Variants in CFAP61 observed in about 807,000 individuals in gnomAD.
The protein encoded by CFAP61 is cilia and flagella associated protein 61.
Under a neutral mutation model 135.6 loss-of-function variants are expected in CFAP61, and 107 were observed. The ratio of observed to expected loss-of-function variants is 0.79; its 90% CI spans 0.67 to 0.93. CFAP61 has a LOEUF of 0.93. Among genes scored for constraint, CFAP61 ranks in the 40% least tolerant of loss-of-function variants. The pLI, the probability that CFAP61 is intolerant of heterozygous loss-of-function variation, is 0.00. For synonymous variants in CFAP61, 575 were observed against 578.5 expected, an observed-to-expected ratio of 0.99 and a Z score of 0.09; for missense variants, 1,507 against 1,556.2, an observed-to-expected ratio of 0.97 and a Z score of 0.53.
intron 9 of CFAP61, among the ~76,000 whole-genome samples, chr20:20,144,502 A>AT (rs2051696543): frequency 6.6e-6 from 1 of 152,170 alleles, no homozygotes; most frequent in African/African-American, 2.4e-5. Flanking sequence ...ACAAATATAA[A>AT]TGAGATGTTT....
At chr20:20,282,622 C>G (rs1245341623) in intron 22 of CFAP61, among the ~76,000 whole-genome samples, 1 of 152,050 alleles carries the variant, frequency 6.6e-6, no homozygotes, top group South Asian at 2.1e-4. Flanking sequence ...TAGTGTAATG[C>G]TGTTGTGATC....
At position 20,302,808 on chromosome 20, in the gene CFAP61, G is replaced by A. The variant is rs547217854; in HGVS notation, c.3422+4422G>A. On this transcript the variant is annotated intron_variant, in intron 25 of 26. Coordinates refer to ENST00000245957, the MANE Select transcript of CFAP61 (RefSeq NM_015585.4). ...AGATGTCCTTTATCAGATTAAGAAA[G>A]TTCCTTTTGATTACTGGTTTTCTAA... is the stretch of plus-strand genomic sequence containing the variant. Among the ~76,000 whole-genome samples the A allele has an allele frequency of 1.6e-4, 24 of 152,158 alleles. 1 individual carries two copies. Among genetic ancestry groups the A allele is most frequent in the Admixed American group, 3.3e-4 (5 of 15,284 alleles).
chr20:20,161,202 A>C (rs1302170551), intron 10 of CFAP61, among the ~76,000 whole-genome samples: 1 of 152,088 alleles, frequency 6.6e-6, no homozygotes, highest in Admixed American at 6.5e-5. Flanking sequence ...TTTCTCTCTA[A>C]TATTCCTAAG....
At chr20:20,111,294 C>T (rs13039148) in intron 8 of CFAP61, among the ~76,000 whole-genome samples, 28,401 of 152,056 alleles carry the variant, frequency 0.19, 2,924 homozygotes, top group Non-Finnish European at 0.23. Context: ...TAAAAGCCTG[C>T]TGGGACTAGG....
intron 10 of CFAP61, among the ~76,000 whole-genome samples, chr20:20,162,929 G>A (rs1385700121): frequency 6.6e-6 from 1 of 152,126 alleles, no homozygotes; most frequent in East Asian, 1.9e-4. Flanking sequence ...ATTTTCCTGG[G>A]GGATAAGATG....
intron 25 of CFAP61, among the ~76,000 whole-genome samples, chr20:20,310,102 C>T (rs184533158): frequency 1.3e-5 from 2 of 152,328 alleles, no homozygotes; most frequent in African/African-American, 4.8e-5. Flanking sequence ...TCAAGTGATT[C>T]TCCTGCCTCA....
At chr20:20,208,802 C>T (rs1435281105) in intron 17 of CFAP61, among the ~76,000 whole-genome samples, 3 of 152,208 alleles carry the variant, frequency 2.0e-5, no homozygotes, top group Non-Finnish European at 2.9e-5. Flanking sequence ...CCCGTGCAGG[C>T]CACCTGCCCT....
At chr20:20,183,113 CAT>C (rs977474061) in intron 13 of CFAP61, among the ~76,000 whole-genome samples, 9 of 152,062 alleles carry the variant, frequency 5.9e-5, no homozygotes, top group Non-Finnish European at 1.0e-4. Flanking sequence ...AAAAAGGTCA[CAT>C]GTGGAATAAG....
rs2045661069 is a variant in CFAP61 at position 20,070,938 on chromosome 20, G to A, written c.228G>A (p.Trp76Ter). ...CCACCTTCCTGGACTACCCCAACTG[G>A]AATGTTGCCAAGCAGGATGACTGGG... Reference protein sequence around the residue: ...AQATFLDYPNWNVAKQDDWVS... With the variant: ...AQATFLDYPN The change falls in exon 3 of 27, where the codon TGG becomes TGA. Residue 76 changes from tryptophan (W) to a stop codon, truncating the protein, a stop_gained. Coordinates refer to ENST00000245957, the MANE Select transcript of CFAP61 (RefSeq NM_015585.4). LOFTEE classifies it high-confidence loss of function. 8.1e-6 allele frequency: 13 copies of A among 1,614,196 alleles called. No individual in the cohort carries two copies. The highest frequency in any genetic ancestry group is 1.1e-5 in the Non-Finnish European group (13 of 1,180,030).
At chr20:20,212,123 T>A (rs1469947141) in intron 17 of CFAP61, among the ~76,000 whole-genome samples, 2 of 152,194 alleles carry the variant, frequency 1.3e-5, no homozygotes. Flanking sequence ...CGTGTGTTGG[T>A]AGGACCGAGG....
At chr20:20,253,861 T>A in intron 20 of CFAP61, 1 of 178,784 alleles carries the variant, frequency 5.6e-6, no homozygotes, top group Non-Finnish European at 1.2e-5. Flanking sequence ...AGGAAGATGT[T>A]ACATTTCTAA....
intron 20 of CFAP61, chr20:20,259,592 G>C (rs2051993026): frequency 6.6e-6 from 1 of 151,890 alleles, no homozygotes; most frequent in Admixed American, 6.6e-5. Context: ...TTTTTAATGT[G>C]TGGTTTCCAT....
chr20:20,190,074 C>T (rs1315393045), intron 14 of CFAP61, among the ~76,000 whole-genome samples: 7 of 152,302 alleles, frequency 4.6e-5, no homozygotes, highest in South Asian at 2.1e-4. Context: ...CGTGAGCCAC[C>T]GTGCCCAGCA....
At chr20:20,057,722 T>C (rs1386309935) in intron 2 of CFAP61, among the ~76,000 whole-genome samples, 1 of 152,148 alleles carries the variant, frequency 6.6e-6, no homozygotes, top group African/African-American at 2.4e-5. Flanking sequence ...ATTTAATTAA[T>C]TTATTTATTT....
At position 20,288,766 on chromosome 20, in the gene CFAP61, A is replaced by G. The variant is rs559532285; in HGVS notation, c.2954A>G (p.Asn985Ser). The change falls in exon 23 of 27, where the codon AAT (asparagine) becomes AGT (serine). Residue 985 changes from asparagine to serine, a missense_variant. Asn to Ser is a conservative substitution (Grantham distance 46, BLOSUM62 1). Transcript: ENST00000245957. ...RAAGSLTKFS[N>S]RYYSNEWTHS... Reference sequence around the variant, plus strand: ...GCTGGCTCCCTCACCAAATTCTCCAATAGATACTACTCAAATGAGTGGACT... The same window carrying G: ...GCTGGCTCCCTCACCAAATTCTCCAGTAGATACTACTCAAATGAGTGGACT... 1.2e-5 allele frequency: 20 copies of G among 1,614,214 alleles called. No homozygotes were observed. Among genetic ancestry groups the G allele is most frequent in the South Asian group, 2.2e-5 (2 of 91,080 alleles).
intron 14 of CFAP61, 35 bp downstream of exon 14, chr20:20,188,091 G>A (rs765948612): frequency 6.2e-7 from 1 of 1,611,726 alleles, no homozygotes; most frequent in Non-Finnish European, 8.5e-7. Flanking sequence ...TCAGGATATG[G>A]GACCATTATG....
At chr20:20,109,978 C>T (rs907227656) in intron 8 of CFAP61, among the ~76,000 whole-genome samples, 1 of 151,656 alleles carries the variant, frequency 6.6e-6, no homozygotes, top group Non-Finnish European at 1.5e-5. Flanking sequence ...GCAATCTCGG[C>T]TCACTGCAAC....
rs761105056 is a variant in CFAP61 at position 20,052,572 on chromosome 20, G to A, written c.-56G>A. On this transcript the variant is annotated 5_prime_UTR_variant, in exon 1 of 27. Coordinates refer to ENST00000245957, the MANE Select transcript of CFAP61 (RefSeq NM_015585.4). Reference sequence around the variant, plus strand: ...CTTGCGGCAGCGCGTGGAGTGCGGCGTCCTGGAGCTGCGGATGAGGTGGGT... The same window carrying A: ...CTTGCGGCAGCGCGTGGAGTGCGGCATCCTGGAGCTGCGGATGAGGTGGGT... The A allele has an allele frequency of 2.5e-6, 4 of 1,613,776 alleles. No homozygotes were observed. Among genetic ancestry groups the A allele is most frequent in the Non-Finnish European group, 3.4e-6 (4 of 1,179,894 alleles).
intron 11 of CFAP61, among the ~76,000 whole-genome samples, chr20:20,166,002 C>T (rs1462808332): frequency 6.6e-6 from 1 of 152,090 alleles, no homozygotes; most frequent in Non-Finnish European, 1.5e-5. Flanking sequence ...GTGTGGTTTG[C>T]CTATGAATGT....
Sources: allele counts gnomAD v4.1 joint callset (sites outside exome capture counted in the v4.1 genomes callset), GRCh38; gene constraint gnomAD v4.1.1; transcripts MANE v1.5; gene names NCBI Gene and HGNC (gene_info 2026-07-23, HGNC 2026-07-21).